MFHAS1: variants seen among roughly 807,000 people sequenced by gnomAD.
MFHAS1 encodes malignant fibrous histiocytoma-amplified sequence 1.
A neutral mutation model predicts 70.4 loss-of-function variants in MFHAS1; 50 were observed. The observed-to-expected ratio is 0.71, with a 90% CI of 0.57 to 0.90. The LOEUF is 0.90. Among genes scored for constraint, MFHAS1 ranks in the 40% least tolerant of loss-of-function variants. The pLI, the probability that MFHAS1 is intolerant of heterozygous loss-of-function variation, is 0.00. For synonymous variants in MFHAS1, 952 were observed against 620.0 expected (o/e 1.54, Z -7.96); for missense variants, 1,795 against 1,347.6 (o/e 1.33, Z -5.20).
chr8:8,891,581 G>C lies in MFHAS1; in HGVS notation c.1478C>G (p.Ser493Cys). The change falls in exon 1 of 3, where the codon TCC becomes TGC. Residue 493 changes from serine to cysteine, a missense_variant. Coordinates refer to ENST00000276282, the MANE Select transcript of MFHAS1 (RefSeq NM_004225.3). The surrounding 1 kb of genome is among the most constrained non-coding windows in gnomAD (Gnocchi z 5.4). ...CACCAGCACGTATAGGGCCCCTGGG[G>C]ACAGGAAGAAGGGCTGGATCACCTC... ...SYEVIQPFFLSPGALYVLVVN... is the reference protein window; with the variant it reads ...SYEVIQPFFLCPGALYVLVVN... 1 of 1,613,328 alleles carries C rather than the reference G, an allele frequency of 6.2e-7. No homozygotes were observed. Among genetic ancestry groups the C allele is most frequent in the Non-Finnish European group, 8.5e-7 (1 of 1,180,044 alleles).
intron 1 of MFHAS1, among the ~76,000 whole-genome samples, chr8:8,854,684 CAA>C (rs34792841): frequency 0.36 from 49,935 of 139,874 alleles, 8,923 homozygotes; most frequent in East Asian, 0.72. Context: ...GACTTTGTCT[CAA>C]AAAAAAAAAA....
At chr8:8,850,866 C>T (rs1030516166) in intron 1 of MFHAS1, among the ~76,000 whole-genome samples, 2 of 151,824 alleles carry the variant, frequency 1.3e-5, no homozygotes, top group African/African-American at 2.4e-5. Flanking sequence ...GGTCAGCACC[C>T]GCTACACACC....
chr8:8,871,044 A>G (rs1809056723), intron 1 of MFHAS1, among the ~76,000 whole-genome samples: 1 of 151,956 alleles, frequency 6.6e-6, no homozygotes, highest in South Asian at 2.1e-4. Context: ...TCAAATAACT[A>G]CCCATTTTTA....
At chr8:8,885,444 C>T (rs563675676) in intron 1 of MFHAS1, among the ~76,000 whole-genome samples, 7 of 152,314 alleles carry the variant, frequency 4.6e-5, no homozygotes, top group East Asian at 1.9e-4. Context: ...TATCAAAGCA[C>T]TTGAATCTTG....
chr8:8,796,540 C>A (rs947291576), intron 2 of MFHAS1, among the ~76,000 whole-genome samples: 2 of 145,566 alleles, frequency 1.4e-5, no homozygotes, highest in African/African-American at 2.5e-5. Context: ...AAAAATTAGC[C>A]GGGCGCGGTG....
intron 1 of MFHAS1, among the ~76,000 whole-genome samples, chr8:8,878,686 A>G (rs1055969362): frequency 1.3e-5 from 2 of 152,078 alleles, no homozygotes; most frequent in Admixed American, 1.3e-4. Context: ...AAAAAAAGGA[A>G]AAAAGGAGGG....
intron 1 of MFHAS1, among the ~76,000 whole-genome samples, chr8:8,817,964 G>A (rs987159792): frequency 4.6e-5 from 7 of 152,172 alleles, no homozygotes; most frequent in Non-Finnish European, 8.8e-5. Flanking sequence ...CCATGAACTG[G>A]TACTGGTCTG....
intron 1 of MFHAS1, among the ~76,000 whole-genome samples, chr8:8,799,575 G>C (rs1806017057): frequency 6.6e-6 from 1 of 152,158 alleles, no homozygotes; most frequent in Non-Finnish European, 1.5e-5. Flanking sequence ...GGCCAACATG[G>C]TAAAACCCAG....
intron 1 of MFHAS1, among the ~76,000 whole-genome samples, chr8:8,831,586 T>A (rs1196638672): frequency 1.3e-4 from 19 of 151,508 alleles, no homozygotes; most frequent in Admixed American, 3.3e-4. Flanking sequence ...CAGAATAGAG[T>A]TCAGAAATAG....
intron 1 of MFHAS1, among the ~76,000 whole-genome samples, chr8:8,880,698 T>TC (rs34720089): frequency 2.7e-5 from 4 of 148,948 alleles, no homozygotes; most frequent in Non-Finnish European, 5.9e-5. Context: ...TTTTTTTTTT[T>TC]CCCCCAGATG....
chr8:8,796,466 G>A (rs919331295), intron 2 of MFHAS1, among the ~76,000 whole-genome samples: 3 of 152,004 alleles, frequency 2.0e-5, no homozygotes, highest in African/African-American at 4.8e-5. Context: ...GGCGGATCCC[G>A]AGGTCAGGAG....
chr8:8,809,672 C>A (rs1209270659), intron 1 of MFHAS1, among the ~76,000 whole-genome samples: 1 of 152,158 alleles, frequency 6.6e-6, no homozygotes, highest in Non-Finnish European at 1.5e-5. Flanking sequence ...GCAGACTTGG[C>A]TAAGGATGAG....
chr8:8,838,785 C>A (rs978218862), intron 1 of MFHAS1, among the ~76,000 whole-genome samples: 6 of 147,676 alleles, frequency 4.1e-5, no homozygotes, highest in Non-Finnish European at 4.4e-5. Context: ...GCACTCCAGA[C>A]TGAGCAACAG....
At chr8:8,867,191 T>G (rs1021705416) in intron 1 of MFHAS1, among the ~76,000 whole-genome samples, 5 of 152,204 alleles carry the variant, frequency 3.3e-5, no homozygotes, top group Non-Finnish European at 5.9e-5. Flanking sequence ...GGAAATGGAA[T>G]TAAACACAGG....
intron 1 of MFHAS1, among the ~76,000 whole-genome samples, chr8:8,817,548 C>T (rs376992066): frequency 3.9e-5 from 6 of 152,324 alleles, no homozygotes; most frequent in Admixed American, 2.0e-4. Flanking sequence ...GCTGCAGCCT[C>T]GAGTGCTGCC....
At chr8:8,841,494 T>G (rs1301774238) in intron 1 of MFHAS1, among the ~76,000 whole-genome samples, 1 of 152,156 alleles carries the variant, frequency 6.6e-6, no homozygotes, top group Non-Finnish European at 1.5e-5. Context: ...TTCTTTTTGT[T>G]GTTTGCTGGG....
At chr8:8,862,957 T>C (rs143420745) in intron 1 of MFHAS1, among the ~76,000 whole-genome samples, 4 of 152,384 alleles carry the variant, frequency 2.6e-5, no homozygotes, top group African/African-American at 9.6e-5. Context: ...CTATGCTTCC[T>C]TGGTAAGACT....
At position 8,862,298 on chromosome 8, in the gene MFHAS1, T is replaced by A. The variant is rs1035058777; in HGVS notation, c.2998+27763A>T. On this transcript the variant is annotated intron_variant, in intron 1 of 2. Transcript: ENST00000276282. ...AATGATTAATGATGTTGACATCTTATACTTACCTGCTATTCATGTATCATA... is the reference window on the plus strand; with the variant it reads ...AATGATTAATGATGTTGACATCTTAAACTTACCTGCTATTCATGTATCATA... Among the ~76,000 whole-genome samples the A allele has an allele frequency of 2.2e-4, 34 of 152,284 alleles. No homozygotes were observed. The East Asian group carries it at 3.9e-3, about 17-fold the overall frequency.
chr8:8,797,046 T>TA lies in MFHAS1; in HGVS notation c.3125+318dup, dbSNP rs1412001881. Among the ~76,000 whole-genome samples the TA allele has an allele frequency of 6.0e-5, 9 of 149,874 alleles. No individual in the cohort carries two copies. In the East Asian group the frequency reaches 1.8e-3, roughly 29 times the overall value. On this transcript the variant is annotated intron_variant, in intron 2 of 2. Transcript: ENST00000276282. ...CTTTTTGGTTCCATATACCTGCAAATAAACTGAAAACCAATGAACTGTACA... is the reference window on the plus strand; with the variant it reads ...CTTTTTGGTTCCATATACCTGCAAATAAAACTGAAAACCAATGAACTGTACA...
Sources: allele counts gnomAD v4.1 joint callset (sites outside exome capture counted in the v4.1 genomes callset), GRCh38; gene constraint gnomAD v4.1.1; non-coding constraint Gnocchi (gnomAD v3.1); transcripts MANE v1.5; gene names NCBI Gene and HGNC (gene_info 2026-07-23, HGNC 2026-07-21).